The following NKTR variants were observed in gnomAD, a reference collection of about 807,000 sequenced individuals.
The protein encoded by NKTR is natural killer cell triggering receptor.
Under a neutral mutation model 156.3 loss-of-function variants are expected in NKTR, and 67 were observed. That is an observed-to-expected ratio of 0.43 (90% CI 0.35 to 0.53). The LOEUF (loss-of-function observed/expected upper bound fraction) is 0.53. Ranked by LOEUF, NKTR falls within the 20% of genes least tolerant of loss-of-function variation. The pLI, the probability that NKTR is intolerant of heterozygous loss-of-function variation, is 0.01. For missense variants in NKTR, 1,604 were observed against 1,730.9 expected (o/e 0.93, Z 1.30); for synonymous variants, 640 against 596.6 (o/e 1.07, Z -1.06).
chr3:42,636,118 T>C (rs1353928784), intron 12 of NKTR, among the ~76,000 whole-genome samples: 1 of 152,162 alleles, frequency 6.6e-6, no homozygotes, highest in African/African-American at 2.4e-5. Flanking sequence ...AGGAAGGGGA[T>C]AGGCCCCAGA....
chr3:42,639,464 G>T lies in NKTR; in HGVS notation c.3760G>T (p.Val1254Leu). 2 of 1,614,226 alleles carry T rather than the reference G, an allele frequency of 1.2e-6. No individual in the cohort carries two copies. Among genetic ancestry groups the T allele is most frequent in the Non-Finnish European group, 1.7e-6 (2 of 1,180,038 alleles). The change falls in exon 13 of 17, where the codon GTG becomes TTG. Residue 1254 changes from valine (V) to leucine (L), a missense_variant. Val to Leu is a conservative substitution (Grantham distance 32, BLOSUM62 1). This residue lies in a region of NKTR where 1,255 missense variants were observed against 1,243.7 expected (regional missense o/e 1.01). Transcript: ENST00000232978. ...TGTGGAAGTTAAGGTGTTGACCACT[G>T]TGCCTGAAATGAAACCACAAGGCTT... ...SAVEVKVLTT[V>L]PEMKPQGLRI...
chr3:42,621,244 A>G, intron 5 of NKTR, 185 bp from the exon 6 acceptor site: 4 of 1,270,566 alleles, frequency 3.1e-6, no homozygotes, highest in Non-Finnish European at 3.0e-6. Flanking sequence ...TTTAATTAGT[A>G]TCTTTTGGCC....
intron 2 of NKTR, among the ~76,000 whole-genome samples, chr3:42,609,495 T>C (rs1706559339): frequency 6.6e-6 from 1 of 152,230 alleles, no homozygotes; most frequent in African/African-American, 2.4e-5. Context: ...AAAACATCTT[T>C]GTAGATTTGA....
chr3:42,603,527 C>A (rs1411992383), intron 2 of NKTR, among the ~76,000 whole-genome samples: 2 of 152,106 alleles, frequency 1.3e-5, no homozygotes, highest in African/African-American at 4.8e-5. Flanking sequence ...GAACCTCATT[C>A]CTCAACATCC....
At chr3:42,639,789 GTC>G (rs146525736) in intron 13 of NKTR, 39 bp downstream of exon 13, 21,040 of 1,344,906 alleles carry the variant, frequency 0.016, 212 homozygotes, top group African/African-American at 0.037. Flanking sequence ...CCCAAGGAGA[GTC>G]TGTTATTGTT....
Position 42,638,166 on chromosome 3 carries a change from C to T in NKTR, c.2462C>T (p.Ser821Leu). 3 of 1,612,400 alleles carry T rather than the reference C, an allele frequency of 1.9e-6. No individual in the cohort carries two copies. The highest frequency in any genetic ancestry group is 1.7e-5 in the Admixed American group (1 of 59,642). The change falls in exon 13 of 17, where the codon TCA becomes TTA. Residue 821 changes from serine to leucine, a missense_variant. Coordinates refer to ENST00000232978, the MANE Select transcript of NKTR (RefSeq NM_005385.4). ...CAGTCAAGTGTTCAGGCCACACAGT[C>T]AGCCCAGGAAAAAGAGAAGCAGGGC... is the stretch of plus-strand genomic sequence containing the variant. ...SEQSSVQATQ[S>L]AQEKEKQGQM...
intron 6 of NKTR, among the ~76,000 whole-genome samples, chr3:42,621,757 C>T (rs1457682496): frequency 6.6e-6 from 1 of 151,650 alleles, no homozygotes; most frequent in Non-Finnish European, 1.5e-5. Flanking sequence ...CAAAATATGC[C>T]GTCATCTTCA....
rs17074659 is a variant in NKTR at position 42,616,825 on chromosome 3, T to C, written c.59-745T>C. ...GGCACAATCAAAGCTCACTGCATGA[T>C]CATAGCTCATTGCAGCCTTGAAATC... is the stretch of plus-strand genomic sequence containing the variant. On this transcript the variant is annotated intron_variant, in intron 2 of 16. Transcript: ENST00000232978. 4.1e-4 allele frequency among the ~76,000 whole-genome samples: 63 copies of C among 152,308 alleles called. No homozygotes were observed. The East Asian group carries it at 0.011, about 27-fold the overall frequency.
intron 6 of NKTR, chr3:42,627,265 C>T (rs1708475126): frequency 2.0e-6 from 2 of 984,950 alleles, no homozygotes; most frequent in Non-Finnish European, 2.4e-6. Context: ...TCTCTCTTTG[C>T]CTTTATCTCT....
rs753979787 is a variant in NKTR, at chr3:42,634,567, G to T, written c.930-46G>T. On this transcript the variant is annotated intron_variant, in intron 10 of 16. Transcript: ENST00000232978. The stretch of plus-strand genomic sequence containing the variant: ...TGTGTTTTCATTATTAAAAATTCTA[G>T]CTTCTTTGCTTATTTTTAATTTTCA... 4.6e-6 allele frequency: 5 copies of T among 1,089,120 alleles called. No homozygotes were observed. In the East Asian group the frequency reaches 7.3e-5, roughly 16 times the overall value. 67.5% of individuals were successfully genotyped at this position (1,089,120 alleles called of 1,614,324 possible). A position where few individuals can be genotyped will look rare whatever the true frequency, so the allele number is the denominator to read the frequency against.
At chr3:42,644,178 A>G (rs1395125903) in intron 16 of NKTR, among the ~76,000 whole-genome samples, 175 bp downstream of exon 16, 2 of 152,206 alleles carry the variant, frequency 1.3e-5, no homozygotes, top group Admixed American at 6.5e-5. Flanking sequence ...TGGCTTTTAT[A>G]TTAAGAGTTG....
At chr3:42,619,488 T>C in intron 4 of NKTR, 176 bp from the exon 5 acceptor site, 2 of 1,423,408 alleles carry the variant, frequency 1.4e-6, no homozygotes, top group Non-Finnish European at 1.8e-6. Context: ...TTTCTTGTAA[T>C]GGGACTTGAC....
In NKTR at chr3:42,627,630, A is replaced by G. The variant is rs541644935; in HGVS notation, c.375-2916A>G. 29 of 985,222 alleles carry G rather than the reference A, an allele frequency of 2.9e-5. No individual in the cohort carries two copies. The South Asian group carries it at 9.9e-4, about 34-fold the overall frequency. 61.0% of individuals were successfully genotyped at this position (985,222 alleles called of 1,614,324 possible). ...TATAAGGCTTAAATACCTTGCACAC[A>G]TGTTTTTTAAAGTAGATTCAGGGGT... On this transcript the variant is annotated intron_variant, in intron 6 of 16. Coordinates refer to ENST00000232978, the MANE Select transcript of NKTR (RefSeq NM_005385.4).
intron 6 of NKTR, chr3:42,629,605 C>G: frequency 1.0e-6 from 1 of 979,932 alleles, no homozygotes. Context: ...ATTTTTCTCT[C>G]TTTCAAATTT....
chr3:42,642,712 G>T, intron 14 of NKTR, 116 bp downstream of exon 14: 1 of 720,216 alleles, frequency 1.4e-6, no homozygotes, highest in South Asian at 1.6e-5. Flanking sequence ...TATACTACTG[G>T]CCTATTTTCT....
rs753718593 is a variant in NKTR, at chr3:42,639,352, G to A, written c.3648G>A (p.Lys1216=). 2 of 1,614,126 alleles carry A rather than the reference G, an allele frequency of 1.2e-6. No homozygotes were observed. Among genetic ancestry groups the A allele is most frequent in the South Asian group, 2.2e-5 (2 of 91,082 alleles). ...CCGGGAAGAAGGAGGTGGCTGAGAA[G>A]AGCCAGATCAACCTCATTGATAAGA... ...ESTGKKEVAE[K]SQINLIDKKW... Residue 1216 remains lysine (K), a synonymous_variant, in exon 13 of 17, where the codon AAG becomes AAA. Coordinates refer to ENST00000232978, the MANE Select transcript of NKTR (RefSeq NM_005385.4).
At chr3:42,621,041 T>C in intron 5 of NKTR, 2 of 981,006 alleles carry the variant, frequency 2.0e-6, no homozygotes, top group Non-Finnish European at 2.4e-6. Context: ...TTGAACTTCT[T>C]CCATGTATAG....
In NKTR at chr3:42,643,904, C is replaced by A; in HGVS notation, c.4202C>A (p.Ser1401Tyr). 6.2e-7 allele frequency: 1 copy of A among 1,612,336 alleles called. No individual in the cohort carries two copies. The highest frequency in any genetic ancestry group is 8.5e-7 in the Non-Finnish European group (1 of 1,178,682). Residue 1401 changes from serine (S) to tyrosine (Y), a missense_variant and splice_region_variant, in exon 16 of 17, where the codon TCC becomes TAC. This residue lies in a region of NKTR where 193 missense variants were observed against 220.2 expected (regional missense o/e 0.88). Transcript: ENST00000232978. ...GTTTGTTGTTGCCGTTAAAGCAGGT[C>A]CTACACCTACGATAGCTACTATAGC... ...SSYDPHSRSR[S>Y]YTYDSYYSRS... is the part of the protein sequence containing the mutation.
chr3:42,602,382 C>T (rs1178640225), intron 2 of NKTR: 3 of 152,120 alleles, frequency 2.0e-5, no homozygotes, highest in Admixed American at 2.0e-4. Flanking sequence ...ACGAAATTGC[C>T]TAATTACACA....
Sources: gnomAD v4.1 joint callset for allele counts (sites outside exome capture counted in the v4.1 genomes callset) on GRCh38, gnomAD v4.1.1 for gene constraint, gnomAD v4.1.1 regional missense constraint, MANE v1.5 for transcripts, NCBI Gene and HGNC (gene_info 2026-07-23, HGNC 2026-07-21) for gene names.